The following USP44 variants were observed in gnomAD, a reference collection of about 807,000 sequenced individuals.
USP44 encodes ubiquitin carboxyl-terminal hydrolase 44.
In USP44, 61 loss-of-function variants were observed where a neutral mutation model predicts 69.0. That is an observed-to-expected ratio of 0.88 (90% CI 0.72 to 1.09). The LOEUF (loss-of-function observed/expected upper bound fraction) is 1.09. Ranked by LOEUF, USP44 falls within the 50% of genes least tolerant of loss-of-function variation. The pLI is 0.00. For missense variants in USP44, 753 were observed against 849.9 expected (o/e 0.89, Z 1.42); for synonymous variants, 297 against 295.4 (o/e 1.01, Z -0.06).
intron 1 of USP44, among the ~76,000 whole-genome samples, chr12:95,536,885 A>C (rs1043822351): frequency 7.2e-5 from 11 of 151,728 alleles, no homozygotes; most frequent in Admixed American, 1.3e-4. Flanking sequence ...CACACCAGCA[A>C]CTCCCCTTCT....
At chr12:95,541,891 T>G (rs1592738556) in intron 1 of USP44, among the ~76,000 whole-genome samples, 1 of 150,360 alleles carries the variant, frequency 6.7e-6, no homozygotes, top group African/African-American at 2.5e-5. Context: ...TTTTTTTTTT[T>G]TTTTTTGAGA....
rs2076490494 is a variant in USP44, at chr12:95,516,983, G to GAT, written c.*1169_*1170dup. The stretch of plus-strand genomic sequence containing the variant: ...AGTTGATTCTACCCTCTCCAAATAA[G>GAT]ATAAAGTTAGCAGCAACAGGACTTT... On this transcript the variant is annotated 3_prime_UTR_variant, in exon 6 of 6. Coordinates refer to ENST00000258499, the MANE Select transcript of USP44 (RefSeq NM_032147.5). 6.6e-6 allele frequency: 1 copy of GAT among 151,312 alleles called. No homozygotes were observed. Among genetic ancestry groups the GAT allele is most frequent in the Non-Finnish European group, 1.5e-5 (1 of 67,962 alleles). 9.4% of individuals were successfully genotyped at this position (151,312 alleles called of 1,614,324 possible).
chr12:95,523,349 G>T (rs971949090), intron 4 of USP44, among the ~76,000 whole-genome samples: 1 of 152,110 alleles, frequency 6.6e-6, no homozygotes, highest in Non-Finnish European at 1.5e-5. Context: ...AGTCTTGTGG[G>T]ACTGAGCTCT....
chr12:95,549,750 G>C (rs2077688791), intron 1 of USP44, among the ~76,000 whole-genome samples: 1 of 152,136 alleles, frequency 6.6e-6, no homozygotes, highest in South Asian at 2.1e-4. Flanking sequence ...GTTTTATTCT[G>C]GGGAGTATGT....
chr12:95,538,151 C>T (rs78088929), intron 1 of USP44, among the ~76,000 whole-genome samples: 4,909 of 150,548 alleles, frequency 0.033, 95 homozygotes, highest in South Asian at 0.057. Context: ...TACAGTAAAA[C>T]GGTGAGCGAG....
chr12:95,532,768 T>C, intron 2 of USP44, 61 bp downstream of exon 2: 1 of 1,433,246 alleles, frequency 7.0e-7, no homozygotes, highest in Non-Finnish European at 9.4e-7. Context: ...GAATATGCCT[T>C]TTTATAGGCT....
chr12:95,521,030 GC>G lies in USP44; in HGVS notation c.1905del (p.His636ThrfsTer22). The stretch of plus-strand genomic sequence containing the variant: ...GAATTATAGCAGTAGGCAGTGTAGT[GC>G]CCTGAGCCAAATCCTTTCCCATGGT... ...VMHHGKGFGSGHYTAYCYNSE... is the reference protein window; with the variant it reads ...VMHHGKGFGSXHYTAYCYNSE... On this transcript the variant is annotated frameshift_variant, in exon 5 of 6. Transcript: ENST00000258499. LOFTEE classifies it high-confidence loss of function. 1 of 1,614,150 alleles carries G rather than the reference GC, an allele frequency of 6.2e-7. No individual in the cohort carries two copies. The highest frequency in any genetic ancestry group is 8.5e-7 in the Non-Finnish European group (1 of 1,180,038).
chr12:95,540,955 CT>C (rs1565835642), intron 1 of USP44, among the ~76,000 whole-genome samples: 1 of 152,150 alleles, frequency 6.6e-6, no homozygotes, highest in Admixed American at 6.5e-5. Flanking sequence ...AAAATTCCCC[CT>C]GATCTCACCA....
intron 5 of USP44, among the ~76,000 whole-genome samples, chr12:95,519,493 A>T (rs529543311): frequency 1.5e-5 from 2 of 130,094 alleles, no homozygotes; most frequent in African/African-American, 5.9e-5. Flanking sequence ...AGGCTGGAGT[A>T]CAGTGGCGCA....
chr12:95,546,144 A>C (rs2077563370), intron 1 of USP44, among the ~76,000 whole-genome samples: 1 of 152,264 alleles, frequency 6.6e-6, no homozygotes, highest in East Asian at 1.9e-4. Context: ...TCACATCAAC[A>C]AATTTACACA....
rs367940970 is a variant in USP44 at position 95,530,293 on chromosome 12, CA to C, written c.1429-1292del. ...ATTTTGAGAATTTTCTTGAATTAAA[CA>C]AAAAAAACAAAAACAAAAGCAAAAA... On this transcript the variant is annotated intron_variant, in intron 2 of 5. Transcript: ENST00000258499. Among the ~76,000 whole-genome samples, 1,405 of 151,506 alleles carry C rather than the reference CA, an allele frequency of 9.3e-3. 28 individuals are homozygous for C. Among genetic ancestry groups the C allele is most frequent in the African/African-American group, 0.033 (1,346 of 41,314 alleles).
intron 1 of USP44, among the ~76,000 whole-genome samples, chr12:95,539,418 G>C (rs1405525391): frequency 6.6e-6 from 1 of 152,026 alleles, no homozygotes; most frequent in Non-Finnish European, 1.5e-5. Context: ...AATAGAGACA[G>C]GGTTTCACCA....
rs201664503 is a variant in USP44 at position 95,528,926 on chromosome 12, C to T, written c.1505G>A (p.Arg502Lys). The T allele has an allele frequency of 5.6e-6, 9 of 1,614,012 alleles. No individual in the cohort carries two copies. The African/African-American group carries it at 1.1e-4, about 19-fold the overall frequency. ...AATATCTTTTCCACTGCATTGATAC[C>T]TTTCTGGAAACTCCAATGACAAGTC... is the stretch of plus-strand genomic sequence containing the variant. The part of the protein sequence containing the change: ...FWDLSLEFPE[R>K]YQCSGKDIAS... Residue 502 changes from arginine to lysine, a missense_variant, in exon 3 of 6, where the codon AGG becomes AAG. Arg to Lys is a conservative substitution (Grantham distance 26). Coordinates refer to ENST00000258499, the MANE Select transcript of USP44 (RefSeq NM_032147.5).
At chr12:95,523,121 T>C (rs1204347783) in intron 4 of USP44, among the ~76,000 whole-genome samples, 1 of 152,174 alleles carries the variant, frequency 6.6e-6, no homozygotes, top group African/African-American at 2.4e-5. Flanking sequence ...AGCCATGCCC[T>C]ACACATGACT....
intron 1 of USP44, among the ~76,000 whole-genome samples, chr12:95,547,482 A>G (rs781605246): frequency 1.7e-4 from 26 of 152,368 alleles, no homozygotes; most frequent in Admixed American, 6.5e-4. Flanking sequence ...ATCTCTTTCA[A>G]GATTCAACTG....
At chr12:95,522,853 G>A (rs1335023641) in intron 4 of USP44, among the ~76,000 whole-genome samples, 1 of 151,112 alleles carries the variant, frequency 6.6e-6, no homozygotes, top group African/African-American at 2.4e-5. Context: ...CCCCTAGATA[G>A]CTTCAGGATG....
intron 5 of USP44, among the ~76,000 whole-genome samples, chr12:95,520,610 G>T (rs1335487760): frequency 6.6e-6 from 1 of 152,100 alleles, no homozygotes; most frequent in Non-Finnish European, 1.5e-5. Context: ...AAACTTGAAC[G>T]CAGTGTTTGT....
rs1036400947 is a variant in USP44, at chr12:95,541,513, G to A, written c.-70-7187C>T. Among the ~76,000 whole-genome samples the A allele has an allele frequency of 6.6e-5, 10 of 151,956 alleles. No homozygotes were observed. The East Asian group carries it at 1.7e-3, about 26-fold the overall frequency. The stretch of plus-strand genomic sequence containing the variant: ...AGGATCACCTAAGCATGGGGAGGTC[G>A]AGGCTGCAGCGAGCCATGATGGTGC... On this transcript the variant is annotated intron_variant, in intron 1 of 5. Coordinates refer to ENST00000258499, the MANE Select transcript of USP44 (RefSeq NM_032147.5).
In USP44 at chr12:95,517,340, C is replaced by T. The variant is rs2076506086; in HGVS notation, c.*814G>A. 6.6e-6 allele frequency: 1 copy of T among 152,020 alleles called. No individual in the cohort carries two copies. The highest frequency in any genetic ancestry group is 1.5e-5 in the Non-Finnish European group (1 of 68,000). The allele number at this position is 152,020 out of a possible 1,614,324, so 9.4% of individuals were successfully genotyped here. On this transcript the variant is annotated 3_prime_UTR_variant, in exon 6 of 6. Transcript: ENST00000258499. The stretch of plus-strand genomic sequence containing the variant: ...TTTTAAGAGATCTAATGTCATCAGA[C>T]ATTATAAAATGAACTCATACCCAAG...
Sources: allele counts gnomAD v4.1 joint callset (sites outside exome capture counted in the v4.1 genomes callset), GRCh38; gene constraint gnomAD v4.1.1; transcripts MANE v1.5; gene names NCBI Gene and HGNC (gene_info 2026-07-23, HGNC 2026-07-21).